The following SEZ6L variants were observed in gnomAD, a reference collection of about 807,000 sequenced individuals.
SEZ6L encodes the protein seizure related 6 homolog like.
In SEZ6L, 37 loss-of-function variants were observed where a neutral mutation model predicts 106.2. The observed-to-expected ratio is 0.35, with a 90% CI of 0.27 to 0.46. The LOEUF is 0.46. Among genes scored for constraint, SEZ6L ranks in the 20% least tolerant of loss-of-function variants. SEZ6L has a pLI of 1.00. For missense variants in SEZ6L, 1,172 were observed against 1,332.8 expected (o/e 0.88, Z 1.88); for synonymous variants, 541 against 570.4 (o/e 0.95, Z 0.73).
intron 1 of SEZ6L, among the ~76,000 whole-genome samples, chr22:26,181,472 G>A (rs553299549): frequency 6.6e-6 from 1 of 152,292 alleles, no homozygotes; most frequent in South Asian, 2.1e-4. Context: ...CATAATTTAT[G>A]GCATAAGTAA....
Position 26,299,014 on chromosome 22 carries a change from G to A in SEZ6L, c.1193G>A (p.Arg398Gln), listed in dbSNP as rs749520505. ...AFMLSCNFPR[R>Q]PDSGDVTVMD... Reference sequence around the variant, plus strand: ...ATGCTGAGCTGCAACTTTCCCCGCCGGCCTGACTCTGGGGATGTCACGGTG... The same window carrying A: ...ATGCTGAGCTGCAACTTTCCCCGCCAGCCTGACTCTGGGGATGTCACGGTG... Residue 398 changes from arginine to glutamine, a missense_variant, in exon 5 of 17, where the codon CGG (arginine) becomes CAG (glutamine). By Grantham distance (43) the Arg-to-Gln change is conservative (BLOSUM62 1). Coordinates refer to ENST00000248933, the MANE Select transcript of SEZ6L (RefSeq NM_021115.5). The A allele has an allele frequency of 4.3e-5, 69 of 1,589,166 alleles. 1 individual carries two copies. In the South Asian group the frequency reaches 4.8e-4, roughly 11 times the overall value.
chr22:26,339,678 C>A (rs2082762648), intron 9 of SEZ6L, among the ~76,000 whole-genome samples: 1 of 152,110 alleles, frequency 6.6e-6, no homozygotes, highest in Non-Finnish European at 1.5e-5. Flanking sequence ...GAGGAATTTG[C>A]CCCGTGATAA....
At chr22:26,199,122 C>T (rs1050915871) in intron 1 of SEZ6L, among the ~76,000 whole-genome samples, 1 of 152,148 alleles carries the variant, frequency 6.6e-6, no homozygotes, top group African/African-American at 2.4e-5. Flanking sequence ...AAATTGAGGC[C>T]TAAAGAATGG....
intron 1 of SEZ6L, among the ~76,000 whole-genome samples, chr22:26,221,867 G>A (rs1278137620): frequency 2.6e-5 from 4 of 152,100 alleles, no homozygotes; most frequent in African/African-American, 4.8e-5. Context: ...ATTTATTGTA[G>A]GTGAGAATCA....
intron 1 of SEZ6L, among the ~76,000 whole-genome samples, chr22:26,188,237 ATTG>A (rs1312870429): frequency 6.6e-6 from 1 of 152,168 alleles, no homozygotes; most frequent in African/African-American, 2.4e-5. Context: ...TTAGTTAACT[ATTG>A]TTGTGTAACA....
intron 1 of SEZ6L, among the ~76,000 whole-genome samples, chr22:26,187,440 T>C (rs978209529): frequency 6.6e-6 from 1 of 152,250 alleles, no homozygotes; most frequent in Admixed American, 6.5e-5. Context: ...CCAAGCCCAC[T>C]GCTCCTGGTG....
chr22:26,170,404 T>G (rs1254110629), intron 1 of SEZ6L, among the ~76,000 whole-genome samples: 1 of 152,016 alleles, frequency 6.6e-6, no homozygotes, highest in Non-Finnish European at 1.5e-5. Flanking sequence ...AGATGTTAGT[T>G]AGCAGTTGGG....
intron 1 of SEZ6L, among the ~76,000 whole-genome samples, chr22:26,257,672 C>A (rs1297529499): frequency 6.6e-6 from 1 of 152,096 alleles, no homozygotes; most frequent in Admixed American, 6.5e-5. Flanking sequence ...AGAGGGAAAA[C>A]CATGAAGAGA....
chr22:26,311,942 A>T lies in SEZ6L; in HGVS notation c.1856A>T (p.Asp619Val). The T allele has an allele frequency of 6.2e-7, 1 of 1,614,146 alleles. No individual in the cohort carries two copies. ...CINVRDPYWN[D>V]TEPLCRAMCG... ...AATGTGCGGGACCCATACTGGAATGACACAGAGCCCCTGTGCAGAGGTGAG... is the reference window on the plus strand; with the variant it reads ...AATGTGCGGGACCCATACTGGAATGTCACAGAGCCCCTGTGCAGAGGTGAG... Residue 619 changes from aspartate to valine, a missense_variant, in exon 8 of 17, where the codon GAC becomes GTC. Transcript: ENST00000248933.
intron 1 of SEZ6L, among the ~76,000 whole-genome samples, chr22:26,222,763 A>G (rs2078515507): frequency 1.3e-5 from 2 of 152,210 alleles, no homozygotes; most frequent in Admixed American, 6.5e-5. Flanking sequence ...GATATATTAT[A>G]TGCTAGAACC....
chr22:26,380,224 C>A, intron 16 of SEZ6L, 42 bp from the exon 17 acceptor site: 1 of 1,607,320 alleles, frequency 6.2e-7, no homozygotes, highest in Non-Finnish European at 8.5e-7. Flanking sequence ...TATCACTCTA[C>A]CACACAAGCG....
Position 26,373,491 on chromosome 22 carries a change from C to T in SEZ6L, c.2827+8C>T. On this transcript the variant is annotated splice_region_variant and intron_variant, in intron 14 of 16. Transcript: ENST00000248933. ...TTGAACATGCTTTAGAAGGTGAGTTCCAGAACGAAAAAAAAAAAAGTTCAA... is the reference window on the plus strand; with the variant it reads ...TTGAACATGCTTTAGAAGGTGAGTTTCAGAACGAAAAAAAAAAAAGTTCAA... The T allele has an allele frequency of 6.4e-7, 1 of 1,550,922 alleles. No individual in the cohort carries two copies. Among genetic ancestry groups the T allele is most frequent in the Non-Finnish European group, 8.7e-7 (1 of 1,155,110 alleles).
rs74708144 is a variant in SEZ6L, at chr22:26,289,987, C to T, written c.95-2419C>T. Among the ~76,000 whole-genome samples the T allele has an allele frequency of 3.0e-3, 455 of 152,340 alleles. 1 individual carries two copies. Among genetic ancestry groups the T allele is most frequent in the African/African-American group, 0.01 (417 of 41,584 alleles). The stretch of plus-strand genomic sequence containing the variant: ...GCAATGACAAGAGTAAAAACCATGA[C>T]GGCAGCTGGCATTTGCTAAGCACTC... On this transcript the variant is annotated intron_variant, in intron 1 of 16. Coordinates refer to ENST00000248933, the MANE Select transcript of SEZ6L (RefSeq NM_021115.5).
At position 26,310,841 on chromosome 22, in the gene SEZ6L, G is replaced by C; in HGVS notation, c.1681+5G>C. ...CCTTCAACATCCGATTTGAAGGTGA[G>C]GGTCCCTGGGAGCTTCCCTTTCTCT... is the stretch of plus-strand genomic sequence containing the variant. On this transcript the variant is annotated splice_donor_5th_base_variant and intron_variant, in intron 7 of 16. Coordinates refer to ENST00000248933, the MANE Select transcript of SEZ6L (RefSeq NM_021115.5). 1 of 1,613,204 alleles carries C rather than the reference G, an allele frequency of 6.2e-7. No individual in the cohort carries two copies. Among genetic ancestry groups the C allele is most frequent in the Non-Finnish European group, 8.5e-7 (1 of 1,179,668 alleles).
chr22:26,313,602 ACG>A (rs768746900), intron 8 of SEZ6L, among the ~76,000 whole-genome samples, 160 bp from the exon 9 acceptor site: 9,673 of 35,350 alleles, frequency 0.27, 517 homozygotes, highest in African/African-American at 0.46. Flanking sequence ...ACACACACAC[ACG>A]CACACACACA....
intron 9 of SEZ6L, among the ~76,000 whole-genome samples, chr22:26,326,085 G>T (rs955247650): frequency 6.6e-6 from 1 of 152,146 alleles, no homozygotes; most frequent in African/African-American, 2.4e-5. Context: ...GATTGTGGTG[G>T]TAACTTGGAA....
At chr22:26,176,954 A>G (rs1021765678) in intron 1 of SEZ6L, among the ~76,000 whole-genome samples, 3 of 152,158 alleles carry the variant, frequency 2.0e-5, no homozygotes, top group African/African-American at 7.2e-5. Flanking sequence ...TGAGTTGCCA[A>G]TTTACATAAC....
At chr22:26,361,078 AAGAAAATTAGAAAAATTAAAACTG>A (rs1402413459) in intron 12 of SEZ6L, among the ~76,000 whole-genome samples, 1 of 152,186 alleles carries the variant, frequency 6.6e-6, no homozygotes, top group East Asian at 1.9e-4. Context: ...CGTTTGGCTT[AAGAAAATTAGAAAAATTAAAACTG>A]ACATGTGAAA....
chr22:26,314,009 A>G lies in SEZ6L; in HGVS notation c.2015+107A>G, dbSNP rs986623841. 6 of 1,184,052 alleles carry G rather than the reference A, an allele frequency of 5.1e-6. No homozygotes were observed. In the African/African-American group the frequency reaches 9.0e-5, roughly 18 times the overall value. 73.3% of individuals were successfully genotyped at this position (1,184,052 alleles called of 1,614,324 possible). On this transcript the variant is annotated intron_variant, in intron 9 of 16. Transcript: ENST00000248933. Reference sequence around the variant, plus strand: ...AACCAATATTAACTAAGCATCTACTATGTGCCGGGACTATGCAGAGAACAG... The same window carrying G: ...AACCAATATTAACTAAGCATCTACTGTGTGCCGGGACTATGCAGAGAACAG...
Sources: gnomAD v4.1 joint callset for allele counts (sites outside exome capture counted in the v4.1 genomes callset) on GRCh38, gnomAD v4.1.1 for gene constraint, MANE v1.5 for transcripts, NCBI Gene and HGNC (gene_info 2026-07-23, HGNC 2026-07-21) for gene names.